The following RCBTB2 variants were observed in gnomAD, a reference collection of about 807,000 sequenced individuals.
RCBTB2 encodes RCC1 and BTB domain-containing protein 2.
In RCBTB2, 55 loss-of-function variants were observed where a neutral mutation model predicts 65.4. The ratio of observed to expected loss-of-function variants is 0.84; its 90% CI spans 0.68 to 1.05. The LOEUF (loss-of-function observed/expected upper bound fraction) is 1.05. Among genes scored for constraint, RCBTB2 ranks in the 50% least tolerant of loss-of-function variants. RCBTB2 has a pLI of 0.00. For synonymous variants in RCBTB2, 220 were observed against 255.2 expected, an observed-to-expected ratio of 0.86 and a Z score of 1.31; for missense variants, 599 against 680.1, an observed-to-expected ratio of 0.88 and a Z score of 1.33.
chr13:48,503,030 G>GA, intron 10 of RCBTB2, 116 bp from the exon 11 acceptor site: 1 of 1,190,452 alleles, frequency 8.4e-7, no homozygotes, highest in Non-Finnish European at 1.1e-6. Context: ...AAAGGGTCAG[G>GA]AAAAGGAAAA....
intron 4 of RCBTB2, among the ~76,000 whole-genome samples, chr13:48,518,253 GT>G: frequency 6.6e-6 from 1 of 152,084 alleles, no homozygotes; most frequent in Non-Finnish European, 1.5e-5. Flanking sequence ...CACCCTGTGA[GT>G]TAATGGCAGA....
intron 13 of RCBTB2, 120 bp from the exon 14 acceptor site, chr13:48,496,441 T>A: frequency 2.1e-6 from 2 of 964,854 alleles, no homozygotes; most frequent in Non-Finnish European, 2.9e-6. Flanking sequence ...AGTGAAGCAC[T>A]GCATAGACTG....
At chr13:48,495,849 C>G (rs185796169) in intron 14 of RCBTB2, among the ~76,000 whole-genome samples, 137 of 152,216 alleles carry the variant, frequency 9.0e-4, no homozygotes, top group African/African-American at 3.2e-3. Flanking sequence ...TTCCTATTGT[C>G]TTTTTGTTTT....
chr13:48,506,829 G>T (rs1374362869), intron 10 of RCBTB2, among the ~76,000 whole-genome samples: 1 of 152,206 alleles, frequency 6.6e-6, no homozygotes, highest in Non-Finnish European at 1.5e-5. Context: ...ACTAGGCAAA[G>T]ACTTCTACAT....
At chr13:48,511,723 C>T in intron 9 of RCBTB2, 47 bp downstream of exon 9, 1 of 1,493,746 alleles carries the variant, frequency 6.7e-7, no homozygotes, top group Non-Finnish European at 9.2e-7. Context: ...ATATCTTTGC[C>T]AGCGAAGACT....
chr13:48,510,688 C>T lies in RCBTB2; in HGVS notation c.867G>A (p.Leu289=). 6.2e-7 allele frequency: 1 copy of T among 1,614,096 alleles called. No individual in the cohort carries two copies. Among genetic ancestry groups the T allele is most frequent in the South Asian group, 1.1e-5 (1 of 91,074 alleles). ...ACTGGTTGCTTTTATTGCCAGTGCC[C>T]AACTGCCCATAAGAATTGGCGCCCC... ...YAWGANSYGQ[L]GTGNKSNQSY... is the part of the protein sequence containing the mutation. The change falls in exon 10 of 15, where the codon TTG becomes TTA. Residue 289 remains leucine, a synonymous_variant. Transcript: ENST00000344532.
rs539069106 is a variant in RCBTB2 at position 48,489,037 on chromosome 13, T to A, written c.*1074A>T. 6.6e-6 allele frequency: 1 copy of A among 152,198 alleles called. No homozygotes were observed. The highest frequency in any genetic ancestry group is 6.5e-5 in the Admixed American group (1 of 15,286). 9.4% of individuals were successfully genotyped at this position (152,198 alleles called of 1,614,324 possible). A position where few individuals can be genotyped will look rare whatever the true frequency, so the allele number is the denominator to read the frequency against. On this transcript the variant is annotated 3_prime_UTR_variant, in exon 15 of 15. Transcript: ENST00000344532. ...AACAAGAATTCTAATTCCAAAAGGG[T>A]TTCCTTTACATTACATGACATTGTG...
intron 11 of RCBTB2, 143 bp from the exon 12 acceptor site, chr13:48,502,011 CT>C: frequency 3.6e-6 from 2 of 558,070 alleles, no homozygotes; most frequent in Non-Finnish European, 2.9e-6. Flanking sequence ...ATTTTTTCCC[CT>C]GAAGACAGAT....
intron 4 of RCBTB2, 49 bp downstream of exon 4, chr13:48,521,849 T>C (rs1441645341): frequency 1.3e-6 from 2 of 1,553,484 alleles, no homozygotes; most frequent in Non-Finnish European, 1.8e-6. Flanking sequence ...ATGAAGTATG[T>C]TTCATGCAAC....
chr13:48,501,652 G>T (rs563818688), intron 12 of RCBTB2, 90 bp downstream of exon 12: 2 of 1,095,396 alleles, frequency 1.8e-6, no homozygotes, highest in South Asian at 3.0e-5. Context: ...AATTTTTCTT[G>T]ATTACTGAGG....
intron 9 of RCBTB2, among the ~76,000 whole-genome samples, chr13:48,511,393 T>A (rs147572201): frequency 2.0e-5 from 3 of 152,280 alleles, no homozygotes; most frequent in East Asian, 3.9e-4. Context: ...CTATTTTTTT[T>A]ATTAAAGTTA....
In RCBTB2 at chr13:48,490,181, G is replaced by C. The variant is rs1460777546; in HGVS notation, c.1586C>G (p.Ala529Gly). The stretch of plus-strand genomic sequence containing the variant: ...CTTCAGGAGATCATGGTCCATTTCT[G>C]CAAAACCTGATGTTTGTGTTACTAC... The part of the protein sequence containing the change: ...LTVVTQTSGF[A>G]EMDHDLLKNF... Residue 529 changes from alanine to glycine, a missense_variant, in exon 15 of 15, where the codon GCA (alanine) becomes GGA (glycine). By Grantham distance (60) the Ala-to-Gly change is moderately conservative. Coordinates refer to ENST00000344532, the MANE Select transcript of RCBTB2 (RefSeq NM_001268.4). 3.1e-6 allele frequency: 5 copies of C among 1,613,770 alleles called. No individual in the cohort carries two copies. In the African/African-American group the frequency reaches 6.7e-5, roughly 22 times the overall value.
chr13:48,529,244 C>A (rs1951970321), intron 1 of RCBTB2, among the ~76,000 whole-genome samples: 1 of 151,808 alleles, frequency 6.6e-6, no homozygotes, highest in Non-Finnish European at 1.5e-5. Flanking sequence ...AGATTTAATC[C>A]AATTTTTCAA....
chr13:48,517,700 C>G (rs549444923), intron 4 of RCBTB2, among the ~76,000 whole-genome samples: 1 of 152,296 alleles, frequency 6.6e-6, no homozygotes, highest in Non-Finnish European at 1.5e-5. Flanking sequence ...GAATAATCTT[C>G]ATGGCACTAT....
chr13:48,506,278 C>T (rs187457974), intron 10 of RCBTB2, among the ~76,000 whole-genome samples: 359 of 152,260 alleles, frequency 2.4e-3, no homozygotes, highest in Non-Finnish European at 3.5e-3. Context: ...GGAACAGTGG[C>T]GTCGGCTTCA....
At chr13:48,532,984 C>A (rs1000186103) in intron 1 of RCBTB2, 44 bp downstream of exon 1, 2 of 455,560 alleles carry the variant, frequency 4.4e-6, no homozygotes, top group Admixed American at 4.7e-5. Flanking sequence ...ACGTCACGGC[C>A]GCGATCCCCC....
chr13:48,515,839 G>A lies in RCBTB2; in HGVS notation c.43-98C>T, dbSNP rs1437517210. 3.3e-6 allele frequency: 4 copies of A among 1,197,960 alleles called. No homozygotes were observed. The East Asian group carries it at 7.4e-5, about 22-fold the overall frequency. 74.2% of individuals were successfully genotyped at this position (1,197,960 alleles called of 1,614,324 possible). A position where few individuals can be genotyped will look rare whatever the true frequency, so the allele number is the denominator to read the frequency against. ...AAGAGGGCGAACACTGGTTTTGGGAGGAACACACTGCATCCATTTTTGAGA... is the reference window on the plus strand; with the variant it reads ...AAGAGGGCGAACACTGGTTTTGGGAAGAACACACTGCATCCATTTTTGAGA... On this transcript the variant is annotated intron_variant, in intron 4 of 14. Coordinates refer to ENST00000344532, the MANE Select transcript of RCBTB2 (RefSeq NM_001268.4).
At chr13:48,522,505 C>T (rs1951486112) in intron 2 of RCBTB2, 102 bp from the exon 3 acceptor site, 2 of 650,140 alleles carry the variant, frequency 3.1e-6, no homozygotes, top group Non-Finnish European at 5.4e-6. Flanking sequence ...AAACAACAGC[C>T]ATCAAATATG....
chr13:48,494,884 GA>G (rs892877963), intron 14 of RCBTB2, among the ~76,000 whole-genome samples: 4 of 151,120 alleles, frequency 2.6e-5, no homozygotes, highest in African/African-American at 9.7e-5. Flanking sequence ...AATGTTAAGT[GA>G]AAAAAAATCT....
Sources: gnomAD v4.1 joint callset for allele counts (sites outside exome capture counted in the v4.1 genomes callset) on GRCh38, gnomAD v4.1.1 for gene constraint, MANE v1.5 for transcripts, NCBI Gene and HGNC (gene_info 2026-07-23, HGNC 2026-07-21) for gene names.